ANKRD11: variants seen among roughly 807,000 people sequenced by gnomAD.
ANKRD11 encodes ankyrin repeat domain-containing protein 11.
Under a neutral mutation model 195.7 loss-of-function variants are expected in ANKRD11, and 17 were observed. The ratio of observed to expected loss-of-function variants is 0.09; its 90% CI spans 0.06 to 0.13. The LOEUF (loss-of-function observed/expected upper bound fraction) is 0.13. ANKRD11 is among the 10% of genes least tolerant of loss of function. The pLI, the probability that ANKRD11 is intolerant of heterozygous loss-of-function variation, is 1.00. For missense variants in ANKRD11, 3,735 were observed against 3,566.1 expected (o/e 1.05, Z -1.21); for synonymous variants, 1,953 against 1,528.1 (o/e 1.28, Z -6.49).
intron 4 of ANKRD11, among the ~76,000 whole-genome samples, chr16:89,295,985 C>CTGTTTTTTT (rs2035405652): frequency 2.2e-5 from 1 of 45,142 alleles, no homozygotes; most frequent in Non-Finnish European, 3.7e-5. Flanking sequence ...ATCTGGCTGC[C>CTGTTTTTTT]TTTTTTTTTT....
At chr16:89,450,905 G>A (rs1169434598) in intron 1 of ANKRD11, among the ~76,000 whole-genome samples, 1 of 152,126 alleles carries the variant, frequency 6.6e-6, no homozygotes, top group Non-Finnish European at 1.5e-5. Flanking sequence ...TGACCACGTG[G>A]CCCAATCCTG....
At chr16:89,406,959 C>A (rs1303079307) in intron 2 of ANKRD11, among the ~76,000 whole-genome samples, 1 of 152,086 alleles carries the variant, frequency 6.6e-6, no homozygotes, top group Admixed American at 6.5e-5. Context: ...GAAGGGGGAG[C>A]AGATCACTTG....
intron 2 of ANKRD11, among the ~76,000 whole-genome samples, chr16:89,377,910 T>A (rs1241944386): frequency 2.0e-5 from 3 of 151,442 alleles, no homozygotes; most frequent in Non-Finnish European, 4.4e-5. Flanking sequence ...TTCTACTCAA[T>A]GAAATGATGA....
chr16:89,377,160 G>A (rs1356946698), intron 2 of ANKRD11, among the ~76,000 whole-genome samples: 1 of 152,168 alleles, frequency 6.6e-6, no homozygotes, highest in African/African-American at 2.4e-5. Flanking sequence ...CGTCAACGTG[G>A]TCTTCCTGTC....
chr16:89,307,671 G>A (rs991757253), intron 3 of ANKRD11, among the ~76,000 whole-genome samples: 4 of 152,200 alleles, frequency 2.6e-5, no homozygotes, highest in African/African-American at 9.6e-5. Flanking sequence ...CAGCTCCCCC[G>A]CCGCCTGGCT....
At chr16:89,407,712 T>C (rs2152195023) in intron 2 of ANKRD11, among the ~76,000 whole-genome samples, 1 of 152,060 alleles carries the variant, frequency 6.6e-6, no homozygotes, top group East Asian at 1.9e-4. Flanking sequence ...TAGCCAGGCA[T>C]TGTGGTGTGC....
chr16:89,328,378 C>A (rs1333969159), intron 2 of ANKRD11, among the ~76,000 whole-genome samples: 1 of 152,228 alleles, frequency 6.6e-6, no homozygotes, highest in Non-Finnish European at 1.5e-5. Flanking sequence ...CATGTGAACA[C>A]AAAGACCTGT....
In ANKRD11 at chr16:89,281,175, G is replaced by A; in HGVS notation, c.5367C>T (p.Arg1789=). ...TCCTCCTAATGTCGACAGAGACCGA[G>A]CGGTAAAGGTTTGTGGAGAGAGGCC... is the stretch of plus-strand genomic sequence containing the variant. ...PARPLSTNLY[R]SVSVDIRRTP... is the part of the protein sequence containing the mutation. The change falls in exon 9 of 13, where the codon CGC becomes CGT. Residue 1789 remains arginine, a synonymous_variant. Transcript: ENST00000301030. The surrounding 1 kb of genome is among the most constrained non-coding windows in gnomAD (Gnocchi z 5.5). 6.2e-7 allele frequency: 1 copy of A among 1,614,226 alleles called. No individual in the cohort carries two copies. Among genetic ancestry groups the A allele is most frequent in the South Asian group, 1.1e-5 (1 of 91,086 alleles).
chr16:89,356,090 C>T (rs2039460966), intron 2 of ANKRD11, among the ~76,000 whole-genome samples: 1 of 152,182 alleles, frequency 6.6e-6, no homozygotes, highest in South Asian at 2.1e-4. Context: ...AAAACAAATA[C>T]AAGAAAGAAT....
chr16:89,345,364 C>G (rs1278777528), intron 2 of ANKRD11, among the ~76,000 whole-genome samples: 2 of 151,946 alleles, frequency 1.3e-5, no homozygotes, highest in Non-Finnish European at 2.9e-5. Flanking sequence ...GGTGCCCCAT[C>G]TGGGGAGGCT....
At position 89,485,091 on chromosome 16, in the gene ANKRD11, G is replaced by A. The variant is rs1367808103; in HGVS notation, c.-145+5154C>T. Among the ~76,000 whole-genome samples the A allele has an allele frequency of 2.0e-5, 3 of 152,172 alleles. No homozygotes were observed. In the East Asian group the frequency reaches 5.8e-4, roughly 29 times the overall value. On this transcript the variant is annotated intron_variant, in intron 1 of 12. Coordinates refer to ENST00000301030, the MANE Select transcript of ANKRD11 (RefSeq NM_013275.6). The stretch of plus-strand genomic sequence containing the variant: ...TCACTCAACAGGATTCGGTCCTCTA[G>A]GCCCCTGAAAAATCTCAGCCATACA...
At chr16:89,383,880 C>T (rs1383487075) in intron 2 of ANKRD11, among the ~76,000 whole-genome samples, 2 of 152,200 alleles carry the variant, frequency 1.3e-5, no homozygotes, top group Non-Finnish European at 2.9e-5. Flanking sequence ...CCAGTCATAC[C>T]TCTGTCTCAC....
intron 1 of ANKRD11, among the ~76,000 whole-genome samples, chr16:89,449,161 A>G (rs1170166645): frequency 6.7e-6 from 1 of 149,396 alleles, no homozygotes; most frequent in Non-Finnish European, 1.5e-5. Flanking sequence ...GACCTGCCTA[A>G]CCAACACAGT....
intron 2 of ANKRD11, among the ~76,000 whole-genome samples, chr16:89,406,378 G>A (rs2041907387): frequency 6.6e-6 from 1 of 152,140 alleles, no homozygotes; most frequent in Non-Finnish European, 1.5e-5. Flanking sequence ...ACACTCCTGA[G>A]GGCGACAAAA....
chr16:89,467,864 G>C (rs993768108), intron 1 of ANKRD11, among the ~76,000 whole-genome samples: 6 of 152,050 alleles, frequency 3.9e-5, no homozygotes, highest in Non-Finnish European at 7.4e-5. Flanking sequence ...GGAGTGGCGT[G>C]ATCTCAGCTC....
In ANKRD11 at chr16:89,291,201, G is replaced by T. The variant is rs373188518; in HGVS notation, c.227-18C>A. 6.2e-7 allele frequency: 1 copy of T among 1,612,180 alleles called. No individual in the cohort carries two copies. Among genetic ancestry groups the T allele is most frequent in the Admixed American group, 1.7e-5 (1 of 60,018 alleles). On this transcript the variant is annotated intron_variant, in intron 4 of 12. Transcript: ENST00000301030. The surrounding 1 kb of genome is among the most constrained non-coding windows in gnomAD (Gnocchi z 5.3). The stretch of plus-strand genomic sequence containing the variant: ...CTGCTTCTCTGTGAGGCGGGCGAGG[G>T]AGAGAGGGAGGAGAGATTTCATGCC...
chr16:89,393,893 A>T (rs2041311879), intron 2 of ANKRD11, among the ~76,000 whole-genome samples: 1 of 152,206 alleles, frequency 6.6e-6, no homozygotes, highest in Non-Finnish European at 1.5e-5. Context: ...GTGTCAAAAA[A>T]CAAAAGCCAA....
chr16:89,341,233 T>G (rs1050293370), intron 2 of ANKRD11, among the ~76,000 whole-genome samples: 4 of 152,226 alleles, frequency 2.6e-5, no homozygotes, highest in Non-Finnish European at 5.9e-5. Context: ...GCTGCCATCA[T>G]GGCAAGCAGA....
chr16:89,484,719 C>T (rs562079566), intron 1 of ANKRD11, among the ~76,000 whole-genome samples: 110 of 152,250 alleles, frequency 7.2e-4, no homozygotes, highest in African/African-American at 2.6e-3. Context: ...TTAAAAGTCA[C>T]ATTTTTTAGA....
Sources: allele counts gnomAD v4.1 joint callset (sites outside exome capture counted in the v4.1 genomes callset), GRCh38; gene constraint gnomAD v4.1.1; non-coding constraint Gnocchi (gnomAD v3.1); transcripts MANE v1.5; gene names NCBI Gene and HGNC (gene_info 2026-07-23, HGNC 2026-07-21).